The following ADAM10 variants were observed in gnomAD, a reference collection of about 807,000 sequenced individuals.
The protein encoded by ADAM10 is disintegrin and metalloproteinase domain-containing protein 10.
In ADAM10, 17 loss-of-function variants were observed where a neutral mutation model predicts 90.1. The observed-to-expected ratio is 0.19, with a 90% CI of 0.13 to 0.28. ADAM10 has a LOEUF of 0.28. Among genes scored for constraint, ADAM10 ranks in the 10% least tolerant of loss-of-function variants. The pLI is 1.00. For synonymous variants in ADAM10, 310 were observed against 298.6 expected (o/e 1.04, Z -0.40); for missense variants, 610 against 914.3 (o/e 0.67, Z 4.29).
chr15:58,612,866 A>G (rs991778950), intron 11 of ADAM10, among the ~76,000 whole-genome samples: 1 of 152,198 alleles, frequency 6.6e-6, no homozygotes, highest in Admixed American at 6.5e-5. Flanking sequence ...GGCAACCTAC[A>G]TTCAATCTTG....
At chr15:58,682,110 G>A in intron 3 of ADAM10, 86 bp downstream of exon 3, 1 of 1,570,092 alleles carries the variant, frequency 6.4e-7, no homozygotes. Flanking sequence ...AACCTTTTCT[G>A]AAATATTTGC....
intron 11 of ADAM10, among the ~76,000 whole-genome samples, chr15:58,613,027 C>T (rs547950669): frequency 6.6e-6 from 1 of 152,284 alleles, no homozygotes; most frequent in Admixed American, 6.5e-5. Context: ...AGACCTGACA[C>T]CAAGAGGGAT....
chr15:58,702,078 A>T (rs1463916942), intron 2 of ADAM10, among the ~76,000 whole-genome samples: 1 of 152,108 alleles, frequency 6.6e-6, no homozygotes, highest in African/African-American at 2.4e-5. Context: ...TGCACTCCAG[A>T]CTGGGCAACA....
intron 4 of ADAM10, among the ~76,000 whole-genome samples, chr15:58,668,187 T>C (rs1372645426): frequency 2.0e-5 from 3 of 152,188 alleles, no homozygotes; most frequent in African/African-American, 7.2e-5. Flanking sequence ...CTAAAGTGTT[T>C]AAGGCAGAAC....
At chr15:58,612,527 G>A (rs1895470494) in intron 11 of ADAM10, among the ~76,000 whole-genome samples, 1 of 152,134 alleles carries the variant, frequency 6.6e-6, no homozygotes, top group Non-Finnish European at 1.5e-5. Flanking sequence ...GGGCCCAAAT[G>A]ACAGCTGTGC....
rs180999658 is a variant in ADAM10, at chr15:58,645,343, T to A, written c.735+712A>T. Among the ~76,000 whole-genome samples, 3 of 152,320 alleles carry A rather than the reference T, an allele frequency of 2.0e-5. No individual in the cohort carries two copies. In the East Asian group the frequency reaches 5.8e-4, roughly 29 times the overall value. ...CACTAGCTTCTCTTCCTCAACCTATTCACCATATACAGATAGCTCCAATTT... is the reference window on the plus strand; with the variant it reads ...CACTAGCTTCTCTTCCTCAACCTATACACCATATACAGATAGCTCCAATTT... On this transcript the variant is annotated intron_variant, in intron 6 of 15. Coordinates refer to ENST00000260408, the MANE Select transcript of ADAM10 (RefSeq NM_001110.4).
At chr15:58,600,987 C>T (rs917751832) in intron 14 of ADAM10, among the ~76,000 whole-genome samples, 5 of 152,066 alleles carry the variant, frequency 3.3e-5, no homozygotes, top group Admixed American at 6.5e-5. Flanking sequence ...AATACTAATG[C>T]TAATTTTAGC....
In ADAM10 at chr15:58,595,261, T is replaced by C. The variant is rs1466533609; in HGVS notation, c.*2286A>G. ...GCAGAGTATCTAACTGGAAATTTTCTACATGGATTCCAAAGTATTAAGAAT... is the reference window on the plus strand; with the variant it reads ...GCAGAGTATCTAACTGGAAATTTTCCACATGGATTCCAAAGTATTAAGAAT... On this transcript the variant is annotated 3_prime_UTR_variant, in exon 16 of 16. Transcript: ENST00000260408. 1 of 152,140 alleles carries C rather than the reference T, an allele frequency of 6.6e-6. No individual in the cohort carries two copies. The highest frequency in any genetic ancestry group is 1.5e-5 in the Non-Finnish European group (1 of 67,968). The allele number at this position is 152,140 out of a possible 1,614,324, so 9.4% of individuals were successfully genotyped here.
At chr15:58,728,893 A>G (rs1165357774) in intron 1 of ADAM10, among the ~76,000 whole-genome samples, 1 of 152,222 alleles carries the variant, frequency 6.6e-6, no homozygotes, top group Non-Finnish European at 1.5e-5. Flanking sequence ...CATAAGTAGT[A>G]AGAGATGGGG....
In ADAM10 at chr15:58,590,947, G is replaced by C. The variant is rs1452430353; in HGVS notation, c.*6600C>G. 2 of 152,064 alleles carry C rather than the reference G, an allele frequency of 1.3e-5. No homozygotes were observed. Among genetic ancestry groups the C allele is most frequent in the Admixed American group, 6.6e-5 (1 of 15,262 alleles). The allele number at this position is 152,064 out of a possible 1,614,324, so 9.4% of individuals were successfully genotyped here. A position where few individuals can be genotyped will look rare whatever the true frequency, so the allele number is the denominator to read the frequency against. ...AACAACTACAGAATATCTTTTTAAA[G>C]ATCTATTTCCACCTCCAGGGAACAT... On this transcript the variant is annotated 3_prime_UTR_variant, in exon 16 of 16. Coordinates refer to ENST00000260408, the MANE Select transcript of ADAM10 (RefSeq NM_001110.4).
intron 8 of ADAM10, among the ~76,000 whole-genome samples, chr15:58,638,158 G>C (rs1254852007): frequency 1.3e-5 from 2 of 152,116 alleles, no homozygotes; most frequent in East Asian, 3.9e-4. Flanking sequence ...AAGAGCTGAA[G>C]TTGGGGGTTT....
At position 58,615,269 on chromosome 15, in the gene ADAM10, G is replaced by A. The variant is rs1038383684; in HGVS notation, c.1512-3278C>T. Among the ~76,000 whole-genome samples, 64 of 111,084 alleles carry A rather than the reference G, an allele frequency of 5.8e-4. 1 individual carries two copies. The South Asian group carries it at 6.0e-3, about 10-fold the overall frequency. The allele number at this position is 111,084 out of a possible 152,430, so 72.9% of individuals were successfully genotyped here. A position where few individuals can be genotyped will look rare whatever the true frequency, so the allele number is the denominator to read the frequency against. On this transcript the variant is annotated intron_variant, in intron 11 of 15. Transcript: ENST00000260408. ...AGCCTGGGCTACAGAGCAAGAGTCC[G>A]TCTGAAGAAAAAAAAAAAAAAAAAA...
At chr15:58,699,013 T>G (rs1480162292) in intron 2 of ADAM10, among the ~76,000 whole-genome samples, 1 of 151,912 alleles carries the variant, frequency 6.6e-6, no homozygotes, top group Non-Finnish European at 1.5e-5. Flanking sequence ...CTGTGAAAAG[T>G]CAAAGACAAA....
At chr15:58,723,303 G>A (rs1251150161) in intron 1 of ADAM10, among the ~76,000 whole-genome samples, 3 of 151,852 alleles carry the variant, frequency 2.0e-5, no homozygotes, top group African/African-American at 7.3e-5. Flanking sequence ...GCAGAAACGT[G>A]AATAAAACAC....
At chr15:58,721,346 T>A (rs905281708) in intron 1 of ADAM10, among the ~76,000 whole-genome samples, 6 of 152,246 alleles carry the variant, frequency 3.9e-5, no homozygotes, top group Admixed American at 2.0e-4. Context: ...ACCAAGTCCA[T>A]CTCATTATCA....
intron 2 of ADAM10, chr15:58,691,468 T>G: frequency 1.6e-6 from 1 of 639,768 alleles, no homozygotes; most frequent in Admixed American, 1.9e-5. Context: ...TGTGCCTCCT[T>G]CATGCAAGAC....
intron 2 of ADAM10, among the ~76,000 whole-genome samples, chr15:58,683,308 A>G (rs1243563097): frequency 6.6e-6 from 1 of 152,176 alleles, no homozygotes; most frequent in Non-Finnish European, 1.5e-5. Context: ...TTTGCAGAGT[A>G]CTATAAGAAC....
At chr15:58,633,488 C>T (rs925824078) in intron 8 of ADAM10, 129 bp from the exon 9 acceptor site, 22 of 791,164 alleles carry the variant, frequency 2.8e-5, no homozygotes, top group Non-Finnish European at 3.8e-5. Flanking sequence ...TCAAACGTAT[C>T]ACATATGCAA....
chr15:58,728,057 C>A (rs1327277813), intron 1 of ADAM10, among the ~76,000 whole-genome samples: 1 of 152,110 alleles, frequency 6.6e-6, no homozygotes, highest in Non-Finnish European at 1.5e-5. Flanking sequence ...TTTTTAAGGG[C>A]ACATGGAACA....
Sources: allele counts gnomAD v4.1 joint callset (sites outside exome capture counted in the v4.1 genomes callset), GRCh38; gene constraint gnomAD v4.1.1; transcripts MANE v1.5; gene names NCBI Gene and HGNC (gene_info 2026-07-23, HGNC 2026-07-21).